NT5DC3: variants seen among roughly 807,000 people sequenced by gnomAD.
NT5DC3 encodes the protein 5'-nucleotidase domain containing 3, also known as 5'-nucleotidase domain-containing protein 3.
Under a neutral mutation model 67.8 loss-of-function variants are expected in NT5DC3, and 42 were observed. The ratio of observed to expected loss-of-function variants is 0.62; its 90% CI spans 0.48 to 0.80. The LOEUF (loss-of-function observed/expected upper bound fraction) is 0.80, where lower values mean the gene tolerates loss of function less well. NT5DC3 is among the 30% of genes least tolerant of loss of function. The pLI, the probability that NT5DC3 is intolerant of heterozygous loss-of-function variation, is 0.00. For missense variants in NT5DC3, 570 were observed against 696.4 expected (o/e 0.82, Z 2.04); for synonymous variants, 237 against 255.6 (o/e 0.93, Z 0.69).
At chr12:103,788,962 G>A in intron 9 of NT5DC3, 43 bp from the exon 10 acceptor site, 2 of 1,254,354 alleles carry the variant, frequency 1.6e-6, no homozygotes, top group Non-Finnish European at 2.3e-6. Context: ...GAGTAGTACA[G>A]GCTGTCTGCT....
At chr12:103,832,495 C>CA (rs1555265084) in intron 1 of NT5DC3, among the ~76,000 whole-genome samples, 1 of 148,914 alleles carries the variant, frequency 6.7e-6, no homozygotes, top group African/African-American at 2.5e-5. Flanking sequence ...CAAAAGCTGG[C>CA]AAAAAAATTA....
chr12:103,818,618 C>T (rs1887363004), intron 1 of NT5DC3, among the ~76,000 whole-genome samples: 1 of 152,142 alleles, frequency 6.6e-6, no homozygotes, highest in South Asian at 2.1e-4. Context: ...TCAGGTGATC[C>T]GCCTGCCTCC....
At chr12:103,831,202 T>C (rs1285783103) in intron 1 of NT5DC3, among the ~76,000 whole-genome samples, 1 of 152,186 alleles carries the variant, frequency 6.6e-6, no homozygotes, top group Non-Finnish European at 1.5e-5. Flanking sequence ...GTTCTTGTGA[T>C]AGTGAGTGAG....
In NT5DC3 at chr12:103,834,005, T is replaced by C. The variant is rs138653202; in HGVS notation, c.208+6944A>G. Among the ~76,000 whole-genome samples the C allele has an allele frequency of 4.6e-5, 7 of 152,326 alleles. No homozygotes were observed. The East Asian group carries it at 1.4e-3, about 29-fold the overall frequency. Reference sequence around the variant, plus strand: ...TTCTCAACCTTGGCACTACCAACAGTTGAGGCCAGATAATTCTTTGTTGTG... The same window carrying C: ...TTCTCAACCTTGGCACTACCAACAGCTGAGGCCAGATAATTCTTTGTTGTG... On this transcript the variant is annotated intron_variant, in intron 1 of 13. Coordinates refer to ENST00000392876, the MANE Select transcript of NT5DC3 (RefSeq NM_001031701.3).
chr12:103,753,428 G>C, the NT5DC3 span: 1 of 1,601,486 alleles, frequency 6.2e-7, no homozygotes, highest in Non-Finnish European at 8.5e-7. Context: ...TTAAGATGGG[G>C]AAGACTTGAG....
chr12:103,828,130 T>C (rs1887772028), intron 1 of NT5DC3, among the ~76,000 whole-genome samples: 1 of 152,142 alleles, frequency 6.6e-6, no homozygotes, highest in Non-Finnish European at 1.5e-5. Flanking sequence ...CAAAGGTGAG[T>C]TGCAGTGATG....
At chr12:103,798,527 C>G in intron 5 of NT5DC3, 60 bp downstream of exon 5, 3 of 1,198,854 alleles carry the variant, frequency 2.5e-6, no homozygotes, top group Admixed American at 1.7e-5. Flanking sequence ...GTAAGTTCGA[C>G]AAGGCCATGT....
intron 12 of NT5DC3, among the ~76,000 whole-genome samples, chr12:103,783,096 G>C (rs957236446): frequency 8.5e-5 from 13 of 152,334 alleles, no homozygotes; most frequent in Admixed American, 4.6e-4. Context: ...CAAATAATGT[G>C]CTACATGCTC....
chr12:103,820,398 T>G (rs990156028), intron 1 of NT5DC3, among the ~76,000 whole-genome samples: 1 of 152,232 alleles, frequency 6.6e-6, no homozygotes, highest in African/African-American at 2.4e-5. Context: ...CTTGTCTAAA[T>G]TTTATCATTA....
At chr12:103,749,270 C>G in the NT5DC3 span, 4 of 1,170,668 alleles carry the variant, frequency 3.4e-6, no homozygotes, top group South Asian at 4.0e-5. Flanking sequence ...AACATTTTTT[C>G]TAGCACAGTC....
the NT5DC3 span, chr12:103,755,121 A>T: frequency 1.3e-6 from 1 of 741,978 alleles, no homozygotes; most frequent in Non-Finnish European, 2.2e-6. Flanking sequence ...TTGTTCACCC[A>T]GTGGCTCAAT....
At chr12:103,755,757 G>A in the NT5DC3 span, 53 of 1,604,596 alleles carry the variant, frequency 3.3e-5, no homozygotes, top group East Asian at 9.8e-4. Flanking sequence ...CAGGCAGGGA[G>A]GGGTTGCCTC....
the NT5DC3 span, chr12:103,749,265 T>G: frequency 8.2e-7 from 1 of 1,213,294 alleles, no homozygotes; most frequent in African/African-American, 1.5e-5. Flanking sequence ...TCCTAAACAT[T>G]TTTTCTAGCA....
intron 1 of NT5DC3, among the ~76,000 whole-genome samples, chr12:103,840,536 C>T (rs1888370762): frequency 6.8e-6 from 1 of 146,454 alleles, no homozygotes; most frequent in African/African-American, 2.5e-5. Context: ...TCTTGGGCAT[C>T]TCTGCGCCAG....
At position 103,809,674 on chromosome 12, in the gene NT5DC3, ACAGCACAGGAAAAAC is replaced by A. The variant is rs542287764; in HGVS notation, c.394-2760_394-2746del. ...TTGGGACTTATTCACTATTGTGAGA[ACAGCACAGGAAAAAC>A]CCACCCCCATGATTCAATTGCCTCC... On this transcript the variant is annotated intron_variant, in intron 2 of 13. Transcript: ENST00000392876. Among the ~76,000 whole-genome samples the A allele has an allele frequency of 2.0e-5, 3 of 152,284 alleles. No homozygotes were observed. The South Asian group carries it at 6.2e-4, about 32-fold the overall frequency.
chr12:103,763,873 A>C, the NT5DC3 span: 17 of 319,594 alleles, frequency 5.3e-5, no homozygotes, highest in East Asian at 2.1e-4. Context: ...GCCCAATCTC[A>C]TGACCAGGTG....
At chr12:103,756,993 G>GAAA in the NT5DC3 span, among the ~76,000 whole-genome samples, 1 of 15,270 alleles carries the variant, frequency 6.5e-5, no homozygotes, top group Non-Finnish European at 1.1e-4. Context: ...CAGAAGGAGG[G>GAAA]AAAATATATA....
Position 103,806,881 on chromosome 12 carries a change from G to T in NT5DC3, c.442C>A (p.Arg148Ser). 1 of 1,608,154 alleles carries T rather than the reference G, an allele frequency of 6.2e-7. No individual in the cohort carries two copies. The highest frequency in any genetic ancestry group is 1.1e-5 in the South Asian group (1 of 90,914). ...CGCTGTACATCATAATGAAGTCCACGAATTGCAAAATTTGGGTCATACTCA... is the reference window on the plus strand; with the variant it reads ...CGCTGTACATCATAATGAAGTCCACTAATTGCAAAATTTGGGTCATACTCA... ...KYEYDPNFAI[R>S]GLHYDVQRAV... Residue 148 changes from arginine to serine, a missense_variant, in exon 3 of 14, where the codon CGT (arginine) becomes AGT (serine). Physicochemically the swap from Arg to Ser is moderately radical, Grantham distance 110 (BLOSUM62 -1). Around this residue, in one of 2 missense-constraint regions of NT5DC3, gnomAD observed 466 missense variants for 608.0 expected, o/e 0.77. Transcript: ENST00000392876.
chr12:103,763,247 G>C, the NT5DC3 span: 8 of 492,124 alleles, frequency 1.6e-5, no homozygotes, highest in Non-Finnish European at 2.9e-5. Context: ...ACACATCCTG[G>C]GGTATGGAAA....
Sources: allele counts gnomAD v4.1 joint callset (sites outside exome capture counted in the v4.1 genomes callset), GRCh38; gene constraint gnomAD v4.1.1; regional missense constraint gnomAD v4.1.1; transcripts MANE v1.5; gene names NCBI Gene and HGNC (gene_info 2026-07-23, HGNC 2026-07-21).